The following ATRNL1 variants were observed in gnomAD, a reference collection of about 807,000 sequenced individuals.
The protein encoded by ATRNL1 is attractin like 1, also known as attractin-like protein 1.
Under a neutral mutation model 182.7 loss-of-function variants are expected in ATRNL1, and 95 were observed. The observed-to-expected ratio is 0.52, with a 90% CI of 0.44 to 0.62. The LOEUF is 0.62. Ranked by LOEUF, ATRNL1 falls within the 20% of genes least tolerant of loss-of-function variation. The probability of loss-of-function intolerance (pLI) is 0.00; values close to 1 mark genes in which losing one functional copy is unlikely to be tolerated. For missense variants in ATRNL1, 1,471 were observed against 1,679.5 expected (o/e 0.88, Z 2.17); for synonymous variants, 576 against 568.3 (o/e 1.01, Z -0.19).
At chr10:115,220,029 A>T (rs1022297219) in intron 9 of ATRNL1, among the ~76,000 whole-genome samples, 2 of 152,206 alleles carry the variant, frequency 1.3e-5, no homozygotes, top group Admixed American at 6.5e-5. Flanking sequence ...ATCAACCTGG[A>T]TTGCTTACCA....
rs1953850792 is a variant in ATRNL1, at chr10:115,945,245, T to C, written c.*466T>C. ...TGGCTTTAAATGCTCTTTTATCTCG[T>C]TGTAAAGGTAAGGCAAGATTTTGAT... On this transcript the variant is annotated 3_prime_UTR_variant, in exon 29 of 29. Transcript: ENST00000355044. 1 of 152,314 alleles carries C rather than the reference T, an allele frequency of 6.6e-6. No individual in the cohort carries two copies. Among genetic ancestry groups the C allele is most frequent in the African/African-American group, 2.4e-5 (1 of 41,454 alleles). The allele number at this position is 152,314 out of a possible 1,614,324, so 9.4% of individuals were successfully genotyped here. A position where few individuals can be genotyped will look rare whatever the true frequency, so the allele number is the denominator to read the frequency against.
At chr10:115,628,419 G>A (rs192904064) in intron 26 of ATRNL1, among the ~76,000 whole-genome samples, 1 of 151,908 alleles carries the variant, frequency 6.6e-6, no homozygotes, top group Admixed American at 6.6e-5. Context: ...TTTCTTAGTT[G>A]GACTGATGAT....
intron 27 of ATRNL1, among the ~76,000 whole-genome samples, chr10:115,783,449 A>T (rs1315312688): frequency 6.6e-6 from 1 of 152,112 alleles, no homozygotes; most frequent in Non-Finnish European, 1.5e-5. Flanking sequence ...ATATCATTTA[A>T]CCTCCATTCA....
intron 26 of ATRNL1, among the ~76,000 whole-genome samples, chr10:115,635,306 T>G (rs1592983864): frequency 7.1e-6 from 1 of 140,304 alleles, no homozygotes; most frequent in Admixed American, 7.1e-5. Context: ...GACAACAGAG[T>G]GGGAAAAGTG....
At chr10:115,687,918 T>A (rs1946270712) in intron 26 of ATRNL1, among the ~76,000 whole-genome samples, 1 of 152,092 alleles carries the variant, frequency 6.6e-6, no homozygotes, top group South Asian at 2.1e-4. Context: ...TTATTTTATC[T>A]AACTGTATGT....
intron 26 of ATRNL1, among the ~76,000 whole-genome samples, chr10:115,635,326 A>G (rs1161874325): frequency 1.3e-5 from 2 of 152,046 alleles, no homozygotes; most frequent in Non-Finnish European, 2.9e-5. Flanking sequence ...GGTAAAAAAA[A>G]AAAAAAAATT....
At position 115,645,475 on chromosome 10, in the gene ATRNL1, ATATC is replaced by A. The variant is rs1422372390; in HGVS notation, c.3796-81769_3796-81766del. 8.1e-5 allele frequency among the ~76,000 whole-genome samples: 12 copies of A among 147,564 alleles called. No homozygotes were observed. In the East Asian group the frequency reaches 2.3e-3, roughly 29 times the overall value. ...TTATATATCTATATAATATATTTAT[ATATC>A]TATATAATAGAGATTTATATATATA... On this transcript the variant is annotated intron_variant, in intron 26 of 28. Transcript: ENST00000355044.
intron 7 of ATRNL1, among the ~76,000 whole-genome samples, chr10:115,169,113 G>A (rs566727586): frequency 3.6e-5 from 5 of 140,542 alleles, no homozygotes; most frequent in African/African-American, 1.1e-4. Flanking sequence ...TGGTACTCTT[G>A]TCAAAAATCA....
In ATRNL1 at chr10:115,372,511, A is replaced by G. The variant is rs138239503; in HGVS notation, c.3176-22148A>G. Among the ~76,000 whole-genome samples, 3 of 152,310 alleles carry G rather than the reference A, an allele frequency of 2.0e-5. No individual in the cohort carries two copies. The East Asian group carries it at 5.8e-4, about 29-fold the overall frequency. The stretch of plus-strand genomic sequence containing the variant: ...TTTTCTCTAAGAATTTTCAGGGATT[A>G]CCTTTAAGTCGTTAATCCATTTTGA... On this transcript the variant is annotated intron_variant, in intron 19 of 28. Transcript: ENST00000355044.
intron 1 of ATRNL1, among the ~76,000 whole-genome samples, chr10:115,108,178 A>G (rs917806573): frequency 1.3e-5 from 2 of 152,148 alleles, no homozygotes; most frequent in Non-Finnish European, 2.9e-5. Flanking sequence ...TTTTTAAATC[A>G]TTCTACCTTC....
chr10:115,117,823 A>G (rs544856279), intron 1 of ATRNL1, among the ~76,000 whole-genome samples: 2 of 152,222 alleles, frequency 1.3e-5, no homozygotes, highest in South Asian at 4.1e-4. Context: ...CACAAACAGT[A>G]TAAGAGGGTT....
At chr10:115,287,394 C>T (rs1554919313) in intron 15 of ATRNL1, among the ~76,000 whole-genome samples, 2 of 151,868 alleles carry the variant, frequency 1.3e-5, no homozygotes, top group Admixed American at 6.6e-5. Flanking sequence ...ATTTTTTTGT[C>T]TTTGTTCCCA....
chr10:115,213,155 G>A (rs1849097131), intron 8 of ATRNL1, among the ~76,000 whole-genome samples: 1 of 151,920 alleles, frequency 6.6e-6, no homozygotes, highest in South Asian at 2.1e-4. Flanking sequence ...CTTGTTGTCG[G>A]TATGACAGGG....
At chr10:115,520,510 A>G (rs1036780848) in intron 25 of ATRNL1, among the ~76,000 whole-genome samples, 1 of 152,196 alleles carries the variant, frequency 6.6e-6, no homozygotes, top group Admixed American at 6.5e-5. Flanking sequence ...ATAAAACTTT[A>G]TTATAAAAAC....
At chr10:115,314,998 A>G (rs191272833) in intron 17 of ATRNL1, among the ~76,000 whole-genome samples, 1 of 152,308 alleles carries the variant, frequency 6.6e-6, no homozygotes, top group Admixed American at 6.5e-5. Context: ...TAGTAGCCAA[A>G]TACTAGTATC....
chr10:115,926,491 T>A (rs1313763396), intron 28 of ATRNL1, among the ~76,000 whole-genome samples: 6 of 150,612 alleles, frequency 4.0e-5, no homozygotes, highest in Admixed American at 1.3e-4. Context: ...TTTGAAAAAA[T>A]TAACAAAATA....
intron 21 of ATRNL1, among the ~76,000 whole-genome samples, chr10:115,455,438 G>A (rs1269989138): frequency 3.9e-5 from 6 of 152,152 alleles, no homozygotes; most frequent in African/African-American, 1.4e-4. Context: ...GCCATATGCA[G>A]AAAACTGAAA....
chr10:115,489,291 T>C (rs1412373487), intron 24 of ATRNL1, among the ~76,000 whole-genome samples: 1 of 152,214 alleles, frequency 6.6e-6, no homozygotes, highest in Non-Finnish European at 1.5e-5. Flanking sequence ...GTTAATTTTC[T>C]GTCTCCTTGA....
At chr10:115,159,820 G>A (rs1474054732) in intron 5 of ATRNL1, among the ~76,000 whole-genome samples, 1 of 151,508 alleles carries the variant, frequency 6.6e-6, no homozygotes, top group Non-Finnish European at 1.5e-5. Flanking sequence ...AAATTTATTT[G>A]AACATCCAAG....
Sources: gnomAD v4.1 joint callset for allele counts (sites outside exome capture counted in the v4.1 genomes callset) on GRCh38, gnomAD v4.1.1 for gene constraint, MANE v1.5 for transcripts, NCBI Gene and HGNC (gene_info 2026-07-23, HGNC 2026-07-21) for gene names.